The following RBM47 variants were observed in gnomAD, a reference collection of about 807,000 sequenced individuals.
RBM47 encodes RNA-binding protein 47.
RBM47 carries 21 observed loss-of-function variants against 47.1 expected under a neutral mutation model. That is an observed-to-expected ratio of 0.45 (90% confidence interval 0.32 to 0.64). The LOEUF (loss-of-function observed/expected upper bound fraction) is 0.64. RBM47 is among the 30% of genes least tolerant of loss of function. The probability of loss-of-function intolerance (pLI) is 0.05; values close to 1 mark genes in which losing one functional copy is unlikely to be tolerated. For missense variants in RBM47, 708 were observed against 870.9 expected, an observed-to-expected ratio of 0.81 and a Z score of 2.35; for synonymous variants, 375 against 361.7, an observed-to-expected ratio of 1.04 and a Z score of -0.42.
chr4:40,583,351 T>G (rs957574726), intron 1 of RBM47, among the ~76,000 whole-genome samples: 1 of 131,230 alleles, frequency 7.6e-6, no homozygotes, highest in Non-Finnish European at 1.5e-5. Context: ...GAGGTGGAGG[T>G]TGCAGTGAGC....
chr4:40,509,633 G>A (rs893805985), intron 2 of RBM47, among the ~76,000 whole-genome samples: 36 of 152,210 alleles, frequency 2.4e-4, no homozygotes, highest in African/African-American at 7.9e-4. Context: ...TGTAATCCCA[G>A]CACTTTGGGA....
At chr4:40,539,623 C>T (rs1265722716) in intron 2 of RBM47, among the ~76,000 whole-genome samples, 1 of 150,858 alleles carries the variant, frequency 6.6e-6, no homozygotes, top group Non-Finnish European at 1.5e-5. Context: ...GCCTATAATC[C>T]CAGCTACTCG....
intron 2 of RBM47, among the ~76,000 whole-genome samples, chr4:40,535,007 T>C (rs1727800366): frequency 6.6e-6 from 1 of 151,962 alleles, no homozygotes; most frequent in African/African-American, 2.4e-5. Flanking sequence ...CTGCCATGCA[T>C]GAACTGTATG....
chr4:40,487,061 C>T (rs1721187684), intron 2 of RBM47, among the ~76,000 whole-genome samples: 1 of 152,120 alleles, frequency 6.6e-6, no homozygotes, highest in African/African-American at 2.4e-5. Flanking sequence ...TCAGTAGCCA[C>T]AAAAAATTAT....
chr4:40,613,615 A>C (rs1176466811), intron 1 of RBM47, among the ~76,000 whole-genome samples: 5 of 152,156 alleles, frequency 3.3e-5, no homozygotes, highest in Non-Finnish European at 7.4e-5. Context: ...AGTTTAACTC[A>C]TTGGTGATAA....
At chr4:40,500,957 A>G (rs182207206) in intron 2 of RBM47, among the ~76,000 whole-genome samples, 127 of 152,242 alleles carry the variant, frequency 8.3e-4, no homozygotes, top group Admixed American at 2.2e-3. Flanking sequence ...CTGAATTTCA[A>G]ATTCTAAGGT....
chr4:40,623,983 C>G (rs1737503874), intron 1 of RBM47, among the ~76,000 whole-genome samples: 1 of 152,102 alleles, frequency 6.6e-6, no homozygotes, highest in Non-Finnish European at 1.5e-5. Flanking sequence ...TCCCTGGTAG[C>G]TGGGATTACA....
intron 2 of RBM47, among the ~76,000 whole-genome samples, chr4:40,493,771 CA>C (rs369288548): frequency 0.14 from 15,996 of 117,978 alleles, 1,448 homozygotes; most frequent in African/African-American, 0.33. Flanking sequence ...GACCCTGTCT[CA>C]AAAAAAAAAA....
chr4:40,499,449 G>A (rs534020386), intron 2 of RBM47, among the ~76,000 whole-genome samples: 103 of 152,060 alleles, frequency 6.8e-4, no homozygotes, highest in African/African-American at 2.3e-3. Context: ...TTGCTCTGTC[G>A]CCCAGGCTGG....
At chr4:40,525,370 A>G (rs1726599084) in intron 2 of RBM47, among the ~76,000 whole-genome samples, 1 of 152,220 alleles carries the variant, frequency 6.6e-6, no homozygotes, top group Non-Finnish European at 1.5e-5. Context: ...AGGCACGAGA[A>G]TCGCTTGAAC....
At chr4:40,528,129 T>C (rs956525480) in intron 2 of RBM47, among the ~76,000 whole-genome samples, 1 of 152,202 alleles carries the variant, frequency 6.6e-6, no homozygotes, top group Non-Finnish European at 1.5e-5. Context: ...AGAAATGTTT[T>C]GGGCCAGGTG....
intron 2 of RBM47, among the ~76,000 whole-genome samples, chr4:40,478,050 T>A (rs1307915822): frequency 6.8e-6 from 1 of 146,054 alleles, no homozygotes; most frequent in Non-Finnish European, 1.5e-5. Flanking sequence ...AGTTTTGCTC[T>A]TATTACCCAG....
intron 3 of RBM47, among the ~76,000 whole-genome samples, chr4:40,464,243 A>G (rs1717614484): frequency 6.6e-6 from 1 of 152,240 alleles, no homozygotes; most frequent in African/African-American, 2.4e-5. Flanking sequence ...ATAATATTTA[A>G]AGATATGCGG....
At chr4:40,538,369 C>CT (rs1728181849) in intron 2 of RBM47, among the ~76,000 whole-genome samples, 1 of 147,036 alleles carries the variant, frequency 6.8e-6, no homozygotes, top group Non-Finnish European at 1.5e-5. Flanking sequence ...GCTCTGTCGC[C>CT]AGGCTGGAGT....
At chr4:40,550,492 C>T (rs2154264000) in intron 1 of RBM47, among the ~76,000 whole-genome samples, 1 of 152,242 alleles carries the variant, frequency 6.6e-6, no homozygotes, top group African/African-American at 2.4e-5. Flanking sequence ...GATCTCAGCT[C>T]ACTGCAACCT....
intron 1 of RBM47, among the ~76,000 whole-genome samples, chr4:40,621,235 CT>C (rs999306591): frequency 9.2e-5 from 14 of 152,212 alleles, no homozygotes; most frequent in Admixed American, 9.2e-4. Context: ...CTGAGGAAGC[CT>C]TTTTCAGTGA....
At chr4:40,522,544 T>C (rs1190265980) in intron 2 of RBM47, among the ~76,000 whole-genome samples, 1 of 152,082 alleles carries the variant, frequency 6.6e-6, no homozygotes, top group Non-Finnish European at 1.5e-5. Flanking sequence ...CTACCTCTTG[T>C]AGAGTTTGGG....
intron 2 of RBM47, among the ~76,000 whole-genome samples, chr4:40,487,068 T>G (rs1463976701): frequency 6.6e-6 from 1 of 152,134 alleles, no homozygotes; most frequent in Non-Finnish European, 1.5e-5. Flanking sequence ...CCACAAAAAA[T>G]TATTCTCTGT....
At chr4:40,566,175 G>C (rs1167271699) in intron 1 of RBM47, among the ~76,000 whole-genome samples, 1 of 152,170 alleles carries the variant, frequency 6.6e-6, no homozygotes, top group East Asian at 1.9e-4. Flanking sequence ...TGGTGGAAGT[G>C]GCTACACATT....
Sources: gnomAD v4.1 joint callset for allele counts (sites outside exome capture counted in the v4.1 genomes callset) on GRCh38, gnomAD v4.1.1 for gene constraint, MANE v1.5 for transcripts, NCBI Gene and HGNC (gene_info 2026-07-23, HGNC 2026-07-21) for gene names.